ERBB4: variants seen among roughly 807,000 people sequenced by gnomAD.
ERBB4 encodes erb-b2 receptor tyrosine kinase 4.
A neutral mutation model predicts 158.0 loss-of-function variants in ERBB4; 42 were observed. The ratio of observed to expected loss-of-function variants is 0.27; its 90% CI spans 0.21 to 0.34. The LOEUF (loss-of-function observed/expected upper bound fraction) is 0.34, where lower values mean the gene tolerates loss of function less well. Ranked by LOEUF, ERBB4 falls within the 10% of genes least tolerant of loss-of-function variation. ERBB4 has a pLI of 1.00. For missense variants in ERBB4, 1,333 were observed against 1,624.1 expected (o/e 0.82, Z 3.08); for synonymous variants, 583 against 558.7 (o/e 1.04, Z -0.61).
intron 2 of ERBB4, among the ~76,000 whole-genome samples, chr2:212,074,434 T>G (rs1455370079): frequency 6.6e-6 from 1 of 151,960 alleles, no homozygotes; most frequent in Non-Finnish European, 1.5e-5. Flanking sequence ...AATTCTCAGG[T>G]TAATCCCATA....
chr2:212,487,262 C>A (rs1690026134), intron 1 of ERBB4, among the ~76,000 whole-genome samples: 1 of 151,950 alleles, frequency 6.6e-6, no homozygotes, highest in South Asian at 2.1e-4. Context: ...TAAAACATGT[C>A]CTAATTATAT....
intron 8 of ERBB4, among the ~76,000 whole-genome samples, chr2:211,712,767 T>G (rs188907990): frequency 9.0e-5 from 8 of 89,154 alleles, no homozygotes; most frequent in Admixed American, 8.3e-4. Context: ...AAAACAATTT[T>G]TGTGTGTGGG....
chr2:211,926,524 A>G (rs16847207), intron 3 of ERBB4, among the ~76,000 whole-genome samples: 20,649 of 152,124 alleles, frequency 0.14, 2,156 homozygotes, highest in African/African-American at 0.29. Flanking sequence ...GCTTAATTCA[A>G]TGTTTTTCCA....
intron 3 of ERBB4, among the ~76,000 whole-genome samples, chr2:211,867,940 G>T (rs1180584651): frequency 6.6e-6 from 1 of 152,104 alleles, no homozygotes; most frequent in Non-Finnish European, 1.5e-5. Context: ...AGCATTCTTT[G>T]CTTTCCTTTT....
chr2:211,813,975 A>G (rs1003550619), intron 3 of ERBB4, among the ~76,000 whole-genome samples: 4 of 152,144 alleles, frequency 2.6e-5, no homozygotes, highest in Non-Finnish European at 5.9e-5. Context: ...AAATTGCAAA[A>G]TATCTAGCAA....
rs1213946998 is a variant in ERBB4 at position 212,356,729 on chromosome 2, A to T, written c.82+181720T>A. ...GACAGATGAACCCATGTAAAAAAAAAACATTCCTTGATAAATCGATCTTTC... is the reference window on the plus strand; with the variant it reads ...GACAGATGAACCCATGTAAAAAAAATACATTCCTTGATAAATCGATCTTTC... On this transcript the variant is annotated intron_variant, in intron 1 of 27. Coordinates refer to ENST00000342788, the MANE Select transcript of ERBB4 (RefSeq NM_005235.3). 2.0e-5 allele frequency among the ~76,000 whole-genome samples: 3 copies of T among 151,990 alleles called. No individual in the cohort carries two copies. The East Asian group carries it at 5.8e-4, about 30-fold the overall frequency.
At position 211,412,950 on chromosome 2, in the gene ERBB4, CAAAAA is replaced by C. The variant is rs113603752; in HGVS notation, c.3135+7486_3135+7490del. Among the ~76,000 whole-genome samples, 50 of 121,112 alleles carry C rather than the reference CAAAAA, an allele frequency of 4.1e-4. 1 individual carries two copies. Among genetic ancestry groups the C allele is most frequent in the African/African-American group, 1.6e-3 (48 of 29,266 alleles). 79.5% of individuals were successfully genotyped at this position (121,112 alleles called of 152,430 possible). On this transcript the variant is annotated intron_variant, in intron 25 of 27. Coordinates refer to ENST00000342788, the MANE Select transcript of ERBB4 (RefSeq NM_005235.3). ...GCCTGGCAACAGAGTGGGACTGTCT[CAAAAA>C]AAAAAAAAAAGAAAGAAAGAAAGAA... is the stretch of plus-strand genomic sequence containing the variant.
intron 19 of ERBB4, among the ~76,000 whole-genome samples, chr2:211,605,822 T>G (rs1428040608): frequency 1.3e-5 from 2 of 152,058 alleles, no homozygotes; most frequent in Non-Finnish European, 2.9e-5. Context: ...CTAGGAGCAG[T>G]TACTTATTAA....
At chr2:212,194,364 A>G (rs1158417955) in intron 1 of ERBB4, among the ~76,000 whole-genome samples, 1 of 151,688 alleles carries the variant, frequency 6.6e-6, no homozygotes, top group Non-Finnish European at 1.5e-5. Context: ...GATCCTCAAG[A>G]AAGTTTGGGA....
intron 1 of ERBB4, among the ~76,000 whole-genome samples, chr2:212,343,849 T>G (rs2088842174): frequency 6.6e-6 from 1 of 152,168 alleles, no homozygotes; most frequent in Non-Finnish European, 1.5e-5. Context: ...TTTTTCTAGT[T>G]ATATTTACTT....
chr2:211,553,464 G>C (rs937174826), intron 20 of ERBB4, among the ~76,000 whole-genome samples: 4 of 151,994 alleles, frequency 2.6e-5, no homozygotes, highest in African/African-American at 9.7e-5. Flanking sequence ...TAAATACTTT[G>C]TATCTGAAAT....
chr2:211,515,350 CAAG>C (rs753374458), intron 20 of ERBB4, among the ~76,000 whole-genome samples: 1 of 151,890 alleles, frequency 6.6e-6, no homozygotes, highest in Non-Finnish European at 1.5e-5. Context: ...TGAATTCTGG[CAAG>C]AAGATGATGG....
In ERBB4 at chr2:211,762,662, C is replaced by T. The variant is rs996629106; in HGVS notation, c.557-11958G>A. On this transcript the variant is annotated intron_variant, in intron 4 of 27. Coordinates refer to ENST00000342788, the MANE Select transcript of ERBB4 (RefSeq NM_005235.3). ...GTCCCTGAGGAACTGTAACCACCCACGTGTTCACTTTGTGAGTGGTGTCAC... is the reference window on the plus strand; with the variant it reads ...GTCCCTGAGGAACTGTAACCACCCATGTGTTCACTTTGTGAGTGGTGTCAC... Among the ~76,000 whole-genome samples the T allele has an allele frequency of 3.3e-5, 5 of 152,154 alleles. No homozygotes were observed. The East Asian group carries it at 7.7e-4, about 23-fold the overall frequency.
chr2:212,162,957 T>A (rs971448721), intron 1 of ERBB4, among the ~76,000 whole-genome samples: 1 of 151,972 alleles, frequency 6.6e-6, no homozygotes, highest in Admixed American at 6.6e-5. Flanking sequence ...TTTCTTTTTG[T>A]GTCTTTTGGG....
chr2:211,905,651 T>TAC, intron 3 of ERBB4, among the ~76,000 whole-genome samples: 5 of 66,700 alleles, frequency 7.5e-5, no homozygotes, highest in Admixed American at 5.7e-4. Context: ...AAGGATCATA[T>TAC]ATATATATAT....
intron 20 of ERBB4, among the ~76,000 whole-genome samples, chr2:211,515,913 T>TATA (rs71054105): frequency 6.1e-4 from 35 of 57,374 alleles, no homozygotes; most frequent in East Asian, 4.3e-3. Context: ...TATATATATA[T>TATA]TTTTTTTTTT....
chr2:212,007,019 A>C (rs2076275512), intron 2 of ERBB4, among the ~76,000 whole-genome samples: 1 of 152,040 alleles, frequency 6.6e-6, no homozygotes, highest in Non-Finnish European at 1.5e-5. Context: ...GATTTGCTAA[A>C]ATATGGTTAT....
At chr2:212,235,102 G>A (rs755559623) in intron 1 of ERBB4, among the ~76,000 whole-genome samples, 2 of 152,106 alleles carry the variant, frequency 1.3e-5, no homozygotes, top group Non-Finnish European at 2.9e-5. Context: ...GGTTTTTATG[G>A]TTTTAGGCCT....
At chr2:211,803,595 C>T (rs1008032531) in intron 3 of ERBB4, among the ~76,000 whole-genome samples, 2 of 152,190 alleles carry the variant, frequency 1.3e-5, no homozygotes, top group Admixed American at 1.3e-4. Context: ...ACAATGTGAA[C>T]TCAGGGTTGC....
Sources: allele counts gnomAD v4.1 joint callset (sites outside exome capture counted in the v4.1 genomes callset), GRCh38; gene constraint gnomAD v4.1.1; transcripts MANE v1.5; gene names NCBI Gene and HGNC (gene_info 2026-07-23, HGNC 2026-07-21).